The following NCKAP5 variants were observed in gnomAD, a reference collection of about 807,000 sequenced individuals.
The protein encoded by NCKAP5 is NCK associated protein 5.
A neutral mutation model predicts 167.0 loss-of-function variants in NCKAP5; 92 were observed. The observed-to-expected ratio is 0.55, with a 90% CI of 0.47 to 0.66. NCKAP5 has a LOEUF of 0.66. Ranked by LOEUF, NCKAP5 falls within the 30% of genes least tolerant of loss-of-function variation. The pLI, the probability that NCKAP5 is intolerant of heterozygous loss-of-function variation, is 0.00. For synonymous variants in NCKAP5, 891 were observed against 877.4 expected, an observed-to-expected ratio of 1.02 and a Z score of -0.27; for missense variants, 2,378 against 2,315.0, an observed-to-expected ratio of 1.03 and a Z score of -0.56.
intron 16 of NCKAP5, among the ~76,000 whole-genome samples, chr2:132,769,317 C>T (rs1263067284): frequency 6.6e-6 from 1 of 152,146 alleles, no homozygotes; most frequent in African/African-American, 2.4e-5. Context: ...TACCCTTAAC[C>T]ACAGAAATGC....
At chr2:132,723,211 T>C (rs1478434740) in intron 19 of NCKAP5, among the ~76,000 whole-genome samples, 2 of 146,922 alleles carry the variant, frequency 1.4e-5, no homozygotes, top group African/African-American at 5.1e-5. Context: ...AGTGGCATGA[T>C]CTCGGCTCAC....
chr2:133,237,470 AC>A (rs2087477483), intron 4 of NCKAP5, among the ~76,000 whole-genome samples: 1 of 152,212 alleles, frequency 6.6e-6, no homozygotes, highest in Admixed American at 6.5e-5. Context: ...CTTTGAAAGC[AC>A]CCATTTACAT....
rs369164388 is a variant in NCKAP5 at position 133,076,745 on chromosome 2, G to A, written c.341+53233C>T. On this transcript the variant is annotated intron_variant, in intron 6 of 19. Transcript: ENST00000409261. The stretch of plus-strand genomic sequence containing the variant: ...TCCTCATAACTACTTCCATCCTCAA[G>A]GCCATCCATGGTCACAGGACGGCTA... 7.9e-5 allele frequency among the ~76,000 whole-genome samples: 12 copies of A among 152,142 alleles called. No individual in the cohort carries two copies. The South Asian group carries it at 1.0e-3, about 13-fold the overall frequency.
chr2:133,597,673 C>CAAAAA, the NCKAP5 span, among the ~76,000 whole-genome samples: 117 of 60,948 alleles, frequency 1.9e-3, no homozygotes, highest in South Asian at 2.9e-3. Flanking sequence ...GACTCTGTCT[C>CAAAAA]AAAAAAAAAA....
chr2:133,668,111 T>G, the NCKAP5 span, among the ~76,000 whole-genome samples: 1 of 152,066 alleles, frequency 6.6e-6, no homozygotes, highest in African/African-American at 2.4e-5. Flanking sequence ...AAATCAGGGC[T>G]TCATTCCTTT....
chr2:133,439,098 A>G (rs1018171231), intron 3 of NCKAP5, among the ~76,000 whole-genome samples: 14 of 152,222 alleles, frequency 9.2e-5, no homozygotes, highest in Admixed American at 2.0e-4. Flanking sequence ...TCCAAAAGAG[A>G]GATAGCATCC....
chr2:133,206,594 A>G (rs2085963132), intron 5 of NCKAP5, among the ~76,000 whole-genome samples: 1 of 152,210 alleles, frequency 6.6e-6, no homozygotes, highest in Non-Finnish European at 1.5e-5. Flanking sequence ...GTGTGTTTGA[A>G]CAATATGAAA....
At chr2:133,336,966 A>T (rs1334720381) in intron 3 of NCKAP5, among the ~76,000 whole-genome samples, 1 of 152,190 alleles carries the variant, frequency 6.6e-6, no homozygotes, top group Non-Finnish European at 1.5e-5. Context: ...GGTGTCTCTT[A>T]GAGAGACATA....
In NCKAP5 at chr2:133,528,839, T is replaced by TA. The variant is rs1383636816; in HGVS notation, c.-61-11253dup. Among the ~76,000 whole-genome samples the TA allele has an allele frequency of 2.6e-5, 4 of 152,322 alleles. No individual in the cohort carries two copies. The South Asian group carries it at 6.2e-4, about 24-fold the overall frequency. On this transcript the variant is annotated intron_variant, in intron 2 of 19. Transcript: ENST00000409261. ...TTACTGCTTCTAAGACAGGCCTCAC[T>TA]AGGGCTTGCCCATCTCTTCTTGCCG...
chr2:133,311,623 CCA>C (rs1681238567), intron 3 of NCKAP5, among the ~76,000 whole-genome samples: 1 of 152,092 alleles, frequency 6.6e-6, no homozygotes, highest in Non-Finnish European at 1.5e-5. Flanking sequence ...ATCCAGGAGC[CCA>C]CAGTCTTCTA....
At chr2:133,215,435 T>A (rs6706037) in intron 4 of NCKAP5, among the ~76,000 whole-genome samples, 62,126 of 151,986 alleles carry the variant, frequency 0.41, 14,274 homozygotes, top group Non-Finnish European at 0.51. Context: ...AACAGGAGAA[T>A]CACATACTCC....
intron 12 of NCKAP5, among the ~76,000 whole-genome samples, chr2:132,793,196 A>G (rs1485785436): frequency 6.6e-6 from 1 of 152,072 alleles, no homozygotes; most frequent in Admixed American, 6.5e-5. Context: ...TTTAGTAGAG[A>G]TGGGGTTTCT....
At chr2:133,418,323 A>G (rs1247969411) in intron 3 of NCKAP5, among the ~76,000 whole-genome samples, 1 of 152,142 alleles carries the variant, frequency 6.6e-6, no homozygotes, top group Non-Finnish European at 1.5e-5. Context: ...CAGAACCTCA[A>G]TTTCCTTAAC....
chr2:133,362,955 A>G (rs2150875667), intron 3 of NCKAP5, among the ~76,000 whole-genome samples: 1 of 150,532 alleles, frequency 6.6e-6, no homozygotes, highest in South Asian at 2.1e-4. Context: ...TTCGGTAGAG[A>G]TGGGGTTTCA....
intron 4 of NCKAP5, among the ~76,000 whole-genome samples, chr2:133,299,064 AAAAATT>A (rs1195498601): frequency 6.6e-6 from 1 of 151,940 alleles, no homozygotes; most frequent in Non-Finnish European, 1.5e-5. Flanking sequence ...ATAAATAAAT[AAAAATT>A]AACTGGTGTG....
At chr2:133,642,611 G>A in the NCKAP5 span, among the ~76,000 whole-genome samples, 4 of 152,008 alleles carry the variant, frequency 2.6e-5, no homozygotes, top group Admixed American at 6.6e-5. Flanking sequence ...AGAGTGAGAC[G>A]AACATGTTTT....
intron 12 of NCKAP5, among the ~76,000 whole-genome samples, chr2:132,791,478 G>A (rs138550391): frequency 3.3e-5 from 5 of 152,240 alleles, no homozygotes; most frequent in African/African-American, 7.2e-5. Flanking sequence ...TAGGCCCCTC[G>A]TGTAACAGAT....
the NCKAP5 span, among the ~76,000 whole-genome samples, chr2:133,583,671 C>T: frequency 6.6e-6 from 1 of 152,152 alleles, no homozygotes; most frequent in Non-Finnish European, 1.5e-5. Context: ...TATAACATAG[C>T]CATTTAGAAG....
chr2:133,062,442 A>T lies in NCKAP5; in HGVS notation c.341+67536T>A, dbSNP rs551714075. 2.6e-4 allele frequency among the ~76,000 whole-genome samples: 40 copies of T among 152,366 alleles called. No homozygotes were observed. In the Middle Eastern group the frequency reaches 0.014, roughly 52 times the overall value. Reference sequence around the variant, plus strand: ...GCATTTTCAAAAGAATAATACAAGGACTATGACTGAAGAACCATTGACAAA... The same window carrying T: ...GCATTTTCAAAAGAATAATACAAGGTCTATGACTGAAGAACCATTGACAAA... On this transcript the variant is annotated intron_variant, in intron 6 of 19. Transcript: ENST00000409261.
Sources: allele counts gnomAD v4.1 joint callset (sites outside exome capture counted in the v4.1 genomes callset), GRCh38; gene constraint gnomAD v4.1.1; transcripts MANE v1.5; gene names NCBI Gene and HGNC (gene_info 2026-07-23, HGNC 2026-07-21).